Variants in PROM1 observed in about 807,000 individuals in gnomAD.
The protein encoded by PROM1 is prominin 1.
A neutral mutation model predicts 116.9 loss-of-function variants in PROM1; 105 were observed. The observed-to-expected ratio is 0.90, with a 90% CI of 0.77 to 1.06. The LOEUF is 1.06. Ranked by LOEUF, PROM1 falls within the 50% of genes least tolerant of loss-of-function variation. The pLI, the probability that PROM1 is intolerant of heterozygous loss-of-function variation, is 0.00. For synonymous variants in PROM1, 393 were observed against 387.0 expected, an observed-to-expected ratio of 1.02 and a Z score of -0.18; for missense variants, 1,122 against 1,045.2, an observed-to-expected ratio of 1.07 and a Z score of -1.01.
At chr4:16,009,237 G>T in intron 11 of PROM1, 129 bp from the exon 12 acceptor site, 1 of 736,016 alleles carries the variant, frequency 1.4e-6, no homozygotes, top group Non-Finnish European at 2.2e-6. Context: ...TTAAAATATG[G>T]TAAGATTCTT....
At chr4:16,060,310 C>CTTT (rs5856330) in intron 2 of PROM1, among the ~76,000 whole-genome samples, 3 of 146,730 alleles carry the variant, frequency 2.0e-5, no homozygotes, top group Non-Finnish European at 4.5e-5. Flanking sequence ...CAAATAATTC[C>CTTT]TTTTTTTTTT....
chr4:15,980,880 C>G (rs982945284), intron 23 of PROM1, among the ~76,000 whole-genome samples: 2 of 152,030 alleles, frequency 1.3e-5, no homozygotes, highest in African/African-American at 4.8e-5. Flanking sequence ...CCCTTTGTTG[C>G]CCGACCATCC....
At chr4:16,027,395 T>G (rs528601787) in intron 5 of PROM1, among the ~76,000 whole-genome samples, 1 of 152,086 alleles carries the variant, frequency 6.6e-6, no homozygotes, top group African/African-American at 2.4e-5. Flanking sequence ...CCATGACAAG[T>G]CAGGCTCACC....
rs1203621733 is a variant in PROM1, at chr4:16,041,781, AATAAATATATATAT to A, written c.221-2794_221-2781del. ...AAATAAATAAATAAATAAATAAATA[AATAAATATATATAT>A]ATATATATATATGAAAGGCTGAGAG... On this transcript the variant is annotated intron_variant, in intron 2 of 27. Transcript: ENST00000447510. Among the ~76,000 whole-genome samples the A allele has an allele frequency of 2.1e-3, 119 of 56,348 alleles. 1 individual carries two copies. Among genetic ancestry groups the A allele is most frequent in the African/African-American group, 7.6e-3 (108 of 14,130 alleles). 37.0% of individuals were successfully genotyped at this position (56,348 alleles called of 152,430 possible). A position where few individuals can be genotyped will look rare whatever the true frequency, so the allele number is the denominator to read the frequency against.
rs775479688 is a variant in PROM1 at position 16,039,027 on chromosome 4, A to G, written c.221-26T>C. On this transcript the variant is annotated intron_variant, in intron 2 of 27. Coordinates refer to ENST00000447510, the MANE Select transcript of PROM1 (RefSeq NM_006017.3). Reference sequence around the variant, plus strand: ...CTGGAAAAAAAGCCACAAAATAGCAATATTATTTTTTCAGTAAAATTATAA... The same window carrying G: ...CTGGAAAAAAAGCCACAAAATAGCAGTATTATTTTTTCAGTAAAATTATAA... 2.7e-6 allele frequency: 4 copies of G among 1,456,252 alleles called. No individual in the cohort carries two copies. In the South Asian group the frequency reaches 4.6e-5, roughly 17 times the overall value. 90.2% of individuals were successfully genotyped at this position (1,456,252 alleles called of 1,614,324 possible). A position where few individuals can be genotyped will look rare whatever the true frequency, so the allele number is the denominator to read the frequency against.
intron 9 of PROM1, 62 bp downstream of exon 9, chr4:16,018,261 T>TA: frequency 6.5e-7 from 1 of 1,542,766 alleles, no homozygotes; most frequent in Non-Finnish European, 8.9e-7. Flanking sequence ...CACCCACGCT[T>TA]AGCCCTGCCC....
intron 23 of PROM1, among the ~76,000 whole-genome samples, chr4:15,983,874 T>C (rs551761842): frequency 6.6e-6 from 1 of 152,160 alleles, no homozygotes; most frequent in East Asian, 1.9e-4. Flanking sequence ...GAACTTACCA[T>C]CCCAATAGTC....
At chr4:15,974,550 A>G (rs1400204150) in intron 26 of PROM1, among the ~76,000 whole-genome samples, 1 of 152,240 alleles carries the variant, frequency 6.6e-6, no homozygotes, top group Non-Finnish European at 1.5e-5. Context: ...TCCATGAAGC[A>G]ATATTAGTTG....
At chr4:15,979,363 G>C in intron 26 of PROM1, 32 bp downstream of exon 26, 1 of 1,613,522 alleles carries the variant, frequency 6.2e-7, no homozygotes, top group Non-Finnish European at 8.5e-7. Flanking sequence ...GTTTATCATA[G>C]GGCGGGCATG....
Position 15,991,273 on chromosome 4 carries a change from T to C in PROM1, c.1932A>G (p.Gly644=), listed in dbSNP as rs1176626644. Residue 644 remains glycine (G), a synonymous_variant, in exon 18 of 28, where the codon GGA becomes GGG. Transcript: ENST00000447510. ...CATATGCAAATGATAAAAGATTCAC[T>C]CCTGCGGGGGATTTACCAGTCTACA... ...YLAQTGKSPA[G]VNLLSFAYDL... 5.6e-6 allele frequency: 9 copies of C among 1,605,112 alleles called. No individual in the cohort carries two copies. The highest frequency in any genetic ancestry group is 7.6e-6 in the Non-Finnish European group (9 of 1,177,042).
intron 23 of PROM1, among the ~76,000 whole-genome samples, chr4:15,981,308 T>C (rs899683797): frequency 4.0e-5 from 6 of 149,466 alleles, no homozygotes; most frequent in Non-Finnish European, 5.9e-5. Context: ...CGGTGGCTCA[T>C]TCCTGTAATC....
chr4:15,976,549 C>G (rs527556649), intron 26 of PROM1, among the ~76,000 whole-genome samples: 2 of 152,350 alleles, frequency 1.3e-5, no homozygotes, highest in South Asian at 4.1e-4. Flanking sequence ...AGACAGAAGA[C>G]AGCTGACGCC....
intron 13 of PROM1, among the ~76,000 whole-genome samples, chr4:16,002,320 C>T (rs111366368): frequency 1.1e-4 from 16 of 152,138 alleles, no homozygotes; most frequent in African/African-American, 3.6e-4. Flanking sequence ...TGTAGGGATA[C>T]CCAATGTACC....
At chr4:15,976,350 G>T (rs1420407265) in intron 26 of PROM1, among the ~76,000 whole-genome samples, 1 of 152,216 alleles carries the variant, frequency 6.6e-6, no homozygotes, top group Non-Finnish European at 1.5e-5. Flanking sequence ...GTCTTATGCT[G>T]TTCCAGCAAT....
At chr4:15,979,254 C>A in intron 26 of PROM1, 141 bp downstream of exon 26, 1 of 1,322,290 alleles carries the variant, frequency 7.6e-7, no homozygotes, top group Non-Finnish European at 1.0e-6. Context: ...CTATGTAGAG[C>A]ATGATTGGAG....
intron 13 of PROM1, among the ~76,000 whole-genome samples, chr4:16,001,923 G>A (rs1723966105): frequency 1.3e-5 from 2 of 152,140 alleles, no homozygotes; most frequent in African/African-American, 4.8e-5. Context: ...GAAAAGAAAG[G>A]GGATGATCCA....
chr4:16,003,723 G>A lies in PROM1; in HGVS notation c.1454+2815C>T, dbSNP rs577437070. On this transcript the variant is annotated intron_variant, in intron 13 of 27. Transcript: ENST00000447510. ...CCCAACACATTGGGAGGCTGAGGTC[G>A]GAGGATCTCTTGAGACCAGGAATTC... Among the ~76,000 whole-genome samples, 10 of 152,276 alleles carry A rather than the reference G, an allele frequency of 6.6e-5. No individual in the cohort carries two copies. In the East Asian group the frequency reaches 1.4e-3, roughly 21 times the overall value.
rs1247151183 is a variant in PROM1, at chr4:16,034,802, G to C, written c.303+933C>G. Among the ~76,000 whole-genome samples the C allele has an allele frequency of 2.0e-5, 3 of 152,314 alleles. No homozygotes were observed. In the East Asian group the frequency reaches 5.8e-4, roughly 29 times the overall value. ...TCCTGGGAGCAAATGTGATGTCTTG[G>C]AGGAGAGACCTGCTTTACATCCCAG... is the stretch of plus-strand genomic sequence containing the variant. On this transcript the variant is annotated intron_variant, in intron 4 of 27. Transcript: ENST00000447510.
At chr4:16,067,853 C>T (rs771488923) in intron 2 of PROM1, among the ~76,000 whole-genome samples, 8 of 152,164 alleles carry the variant, frequency 5.3e-5, no homozygotes, top group Non-Finnish European at 7.4e-5. Flanking sequence ...CTCACACAGA[C>T]GACCCCGGCC....
Sources: gnomAD v4.1 joint callset for allele counts (sites outside exome capture counted in the v4.1 genomes callset) on GRCh38, gnomAD v4.1.1 for gene constraint, MANE v1.5 for transcripts, NCBI Gene and HGNC (gene_info 2026-07-23, HGNC 2026-07-21) for gene names.